DNER: variants seen among roughly 807,000 people sequenced by gnomAD.
DNER encodes the protein delta and Notch-like epidermal growth factor-related receptor.
A neutral mutation model predicts 78.2 loss-of-function variants in DNER; 33 were observed. The observed-to-expected ratio is 0.42, with a 90% CI of 0.32 to 0.56. The LOEUF (loss-of-function observed/expected upper bound fraction) is 0.56, where lower values mean the gene tolerates loss of function less well. Ranked by LOEUF, DNER falls within the 20% of genes least tolerant of loss-of-function variation. The pLI is 0.11. For missense variants in DNER, 918 were observed against 975.3 expected (o/e 0.94, Z 0.78); for synonymous variants, 417 against 384.8 (o/e 1.08, Z -0.98).
At chr2:229,392,729 T>A (rs982848084) in intron 10 of DNER, among the ~76,000 whole-genome samples, 1 of 152,072 alleles carries the variant, frequency 6.6e-6, no homozygotes, top group Non-Finnish European at 1.5e-5. Flanking sequence ...GGCACAACTA[T>A]CCCTAGAGTA....
intron 7 of DNER, among the ~76,000 whole-genome samples, chr2:229,470,891 A>G (rs34999103): frequency 0.24 from 36,100 of 152,064 alleles, 5,146 homozygotes; most frequent in East Asian, 0.34. Flanking sequence ...CTCACACTTA[A>G]TAAATCTTAA....
At chr2:229,593,859 G>A (rs2154214705) in intron 1 of DNER, among the ~76,000 whole-genome samples, 1 of 152,326 alleles carries the variant, frequency 6.6e-6, no homozygotes, top group Middle Eastern at 3.4e-3. Flanking sequence ...TCACAAATAA[G>A]AATTTCAATA....
At chr2:229,541,307 G>A (rs774207897) in intron 5 of DNER, among the ~76,000 whole-genome samples, 31 of 151,508 alleles carry the variant, frequency 2.0e-4, no homozygotes, top group Non-Finnish European at 3.7e-4. Context: ...GTAGAAAGGG[G>A]GCAATAGGGA....
intron 6 of DNER, among the ~76,000 whole-genome samples, chr2:229,511,177 C>G (rs751130206): frequency 9.9e-5 from 15 of 152,166 alleles, no homozygotes; most frequent in Non-Finnish European, 2.1e-4. Context: ...CATTCCATCC[C>G]TTTTTCACCC....
intron 6 of DNER, among the ~76,000 whole-genome samples, chr2:229,498,985 G>A (rs1003914347): frequency 1.3e-5 from 2 of 152,094 alleles, no homozygotes; most frequent in Admixed American, 6.6e-5. Flanking sequence ...CAAAGCAGGA[G>A]GGATCACACT....
At chr2:229,550,723 C>T (rs1016015473) in intron 4 of DNER, among the ~76,000 whole-genome samples, 1 of 151,968 alleles carries the variant, frequency 6.6e-6, no homozygotes, top group Non-Finnish European at 1.5e-5. Flanking sequence ...TGCAGTGAGC[C>T]GAGATTGCAC....
chr2:229,475,534 G>A (rs1695014811), intron 7 of DNER, among the ~76,000 whole-genome samples: 1 of 152,324 alleles, frequency 6.6e-6, no homozygotes, highest in Non-Finnish European at 1.5e-5. Flanking sequence ...ACTTATCTGT[G>A]TGTGCACTAC....
In DNER at chr2:229,667,153, C is replaced by T. The variant is rs142682858; in HGVS notation, c.276+46995G>A. On this transcript the variant is annotated intron_variant, in intron 1 of 12. Transcript: ENST00000341772. ...CAGTGGGCAGGATTATCCAAACATC[C>T]GCCTCTGTCCCATATGGCCTGGATA... Among the ~76,000 whole-genome samples the T allele has an allele frequency of 4.8e-3, 735 of 152,286 alleles. 6 individuals carry two copies. Among genetic ancestry groups the T allele is most frequent in the Non-Finnish European group, 9.2e-3 (628 of 68,022 alleles).
chr2:229,656,024 C>T (rs1326400303), intron 1 of DNER, among the ~76,000 whole-genome samples: 1 of 152,064 alleles, frequency 6.6e-6, no homozygotes, highest in Non-Finnish European at 1.5e-5. Context: ...GAAGCCTGGC[C>T]CCACCCACAC....
chr2:229,563,743 CCAT>C (rs766147378), intron 4 of DNER, among the ~76,000 whole-genome samples: 18 of 144,296 alleles, frequency 1.2e-4, no homozygotes, highest in Admixed American at 4.2e-4. Flanking sequence ...CACCCCATCA[CCAT>C]CATCATCATC....
intron 7 of DNER, among the ~76,000 whole-genome samples, chr2:229,466,437 A>T (rs1454132011): frequency 6.6e-6 from 1 of 152,076 alleles, no homozygotes; most frequent in East Asian, 1.9e-4. Flanking sequence ...GTATGTTTGA[A>T]CATCACTTCC....
intron 6 of DNER, among the ~76,000 whole-genome samples, chr2:229,489,394 G>T (rs1382315847): frequency 6.6e-6 from 1 of 152,194 alleles, no homozygotes; most frequent in Non-Finnish European, 1.5e-5. Context: ...GGAGATGATG[G>T]CACCACTGAT....
rs1371092339 is a variant in DNER at position 229,427,058 on chromosome 2, A to G, written c.1487-8828T>C. 2.6e-5 allele frequency among the ~76,000 whole-genome samples: 4 copies of G among 152,266 alleles called. No homozygotes were observed. The East Asian group carries it at 7.7e-4, about 29-fold the overall frequency. ...AATGTCAGAAGACCCAAATCAGTCA[A>G]TATTTTCACTTGCTGTGATTTTTAT... On this transcript the variant is annotated intron_variant, in intron 8 of 12. Coordinates refer to ENST00000341772, the MANE Select transcript of DNER (RefSeq NM_139072.4).
At chr2:229,529,975 A>T (rs1344738299) in intron 5 of DNER, among the ~76,000 whole-genome samples, 1 of 152,120 alleles carries the variant, frequency 6.6e-6, no homozygotes, top group East Asian at 1.9e-4. Flanking sequence ...ACATGCCAGC[A>T]TGGGTGACAG....
rs73105653 is a variant in DNER, at chr2:229,584,484, T to C, written c.847+1374A>G. Among the ~76,000 whole-genome samples, 305 of 152,178 alleles carry C rather than the reference T, an allele frequency of 2.0e-3. 2 individuals are homozygous for C. The highest frequency in any genetic ancestry group is 6.7e-3 in the African/African-American group (279 of 41,474). On this transcript the variant is annotated intron_variant, in intron 4 of 12. Transcript: ENST00000341772. The stretch of plus-strand genomic sequence containing the variant: ...CCAAGTTCCAACCCCAAAGGTACTA[T>C]ATGCTGGATGAGAAACAAAGACAAC...
intron 10 of DNER, among the ~76,000 whole-genome samples, chr2:229,396,853 C>G (rs1182773629): frequency 6.6e-6 from 1 of 152,022 alleles, no homozygotes; most frequent in South Asian, 2.1e-4. Context: ...CAAAAAGTAC[C>G]TCTGAGACTC....
intron 4 of DNER, among the ~76,000 whole-genome samples, chr2:229,568,726 T>A (rs957379851): frequency 5.9e-5 from 9 of 152,148 alleles, no homozygotes; most frequent in African/African-American, 1.9e-4. Flanking sequence ...TTCCTTTTTT[T>A]TAAAATTTTA....
chr2:229,573,337 C>T (rs780116481), intron 4 of DNER, among the ~76,000 whole-genome samples: 2 of 152,158 alleles, frequency 1.3e-5, no homozygotes, highest in Non-Finnish European at 1.5e-5. Context: ...GAAAGCAAGA[C>T]AGCATTTTCA....
At chr2:229,608,298 AC>A (rs1697978461) in intron 1 of DNER, among the ~76,000 whole-genome samples, 1 of 152,186 alleles carries the variant, frequency 6.6e-6, no homozygotes, top group East Asian at 1.9e-4. Flanking sequence ...GCACAGTCAC[AC>A]CTGTCAGTGT....
Sources: allele counts gnomAD v4.1 joint callset (sites outside exome capture counted in the v4.1 genomes callset), GRCh38; gene constraint gnomAD v4.1.1; transcripts MANE v1.5; gene names NCBI Gene and HGNC (gene_info 2026-07-23, HGNC 2026-07-21).